SORBS3: variants seen among roughly 807,000 people sequenced by gnomAD.
SORBS3 encodes vinexin.
In SORBS3, 69 loss-of-function variants were observed where a neutral mutation model predicts 98.0. That is an observed-to-expected ratio of 0.70 (90% CI 0.58 to 0.86). The LOEUF (loss-of-function observed/expected upper bound fraction) is 0.86. Ranked by LOEUF, SORBS3 falls within the 40% of genes least tolerant of loss-of-function variation. The pLI is 0.00. For synonymous variants in SORBS3, 394 were observed against 355.4 expected (o/e 1.11, Z -1.22); for missense variants, 954 against 908.5 (o/e 1.05, Z -0.64).
rs752863734 is a variant in SORBS3 at position 22,554,526 on chromosome 8, G to T, written c.20G>T (p.Ser7Ile). 2 of 1,612,372 alleles carry T rather than the reference G, an allele frequency of 1.2e-6. No homozygotes were observed. Among genetic ancestry groups the T allele is most frequent in the South Asian group, 2.2e-5 (2 of 91,066 alleles). Residue 7 changes from serine to isoleucine, a missense_variant, in exon 2 of 21, where the codon AGC becomes ATC. Ser to Ile is a moderately radical substitution (Grantham distance 142). Coordinates refer to ENST00000240123, the MANE Select transcript of SORBS3 (RefSeq NM_005775.5). This position sits in a 1 kb window ranked among gnomAD's most constrained non-coding sequence, Gnocchi z 6.5. The stretch of plus-strand genomic sequence containing the variant: ...CCAAGCATGCAGGGCCCACCCCGCA[G>T]CCTCCGCGCTGGGCTCAGCCTGGAC... MQGPPR[S>I]LRAGLSLDDF...
chr8:22,563,791 A>G (rs1305237826), intron 7 of SORBS3, among the ~76,000 whole-genome samples, 196 bp from the exon 8 acceptor site: 3 of 152,124 alleles, frequency 2.0e-5, no homozygotes, highest in Admixed American at 1.3e-4. Context: ...CACATCCACT[A>G]AACAGTAGAG....
Position 22,554,783 on chromosome 8 carries a change from G to T in SORBS3, c.103-80G>T. 3 of 1,452,082 alleles carry T rather than the reference G, an allele frequency of 2.1e-6. No homozygotes were observed. Among genetic ancestry groups the T allele is most frequent in the South Asian group, 1.2e-5 (1 of 81,896 alleles). The allele number at this position is 1,452,082 out of a possible 1,614,324, so 89.9% of individuals were successfully genotyped here. On this transcript the variant is annotated intron_variant, in intron 2 of 20. Transcript: ENST00000240123. The surrounding 1 kb of genome is among the most constrained non-coding windows in gnomAD (Gnocchi z 6.5). ...GGCGGGCCTGGGACTGTCACCGAGG[G>T]GTGTGGGCTGTGCCTAGTAGCCATC...
intron 10 of SORBS3, chr8:22,565,034 A>G: frequency 7.1e-7 from 1 of 1,402,622 alleles, no homozygotes; most frequent in Non-Finnish European, 9.2e-7. Context: ...GAATCGCGGG[A>G]TCAGGAAGCG....
At chr8:22,560,414 G>C (rs1440732966) in intron 5 of SORBS3, among the ~76,000 whole-genome samples, 1 of 152,174 alleles carries the variant, frequency 6.6e-6, no homozygotes, top group African/African-American at 2.4e-5. Context: ...ATGCTTAGAA[G>C]TTTGAGAGAT....
chr8:22,551,460 G>A (rs1436822503), upstream of SORBS3, among the ~76,000 whole-genome samples: 1 of 152,040 alleles, frequency 6.6e-6, no homozygotes. This position sits in a 1 kb window ranked among gnomAD's most constrained non-coding sequence, Gnocchi z 5.8. Flanking sequence ...CATCGCTCCT[G>A]CCCCTGTCCT....
rs149725626 is a variant in SORBS3, at chr8:22,570,072, A to G, written c.1431+799A>G. Among the ~76,000 whole-genome samples, 217 of 152,320 alleles carry G rather than the reference A, an allele frequency of 1.4e-3. 1 individual carries two copies. The highest frequency in any genetic ancestry group is 4.9e-3 in the African/African-American group (203 of 41,570). On this transcript the variant is annotated intron_variant, in intron 17 of 20. Transcript: ENST00000240123. ...CATTTTTAACTGTAGATTGTGGTGA[A>G]ACAAGTTTGAAAAATGCTGTTCTAG...
chr8:22,566,508 T>C (rs1840426093), intron 13 of SORBS3, 24 bp downstream of exon 13: 1 of 1,608,706 alleles, frequency 6.2e-7, no homozygotes, highest in African/African-American at 1.3e-5. Context: ...CCTGCTCTCT[T>C]TCTCACGGAG....
In SORBS3 at chr8:22,564,464, T is replaced by C. The variant is rs1840362904; in HGVS notation, c.763-4T>C. The C allele has an allele frequency of 1.2e-6, 2 of 1,614,080 alleles. No individual in the cohort carries two copies. Among genetic ancestry groups the C allele is most frequent in the Non-Finnish European group, 1.7e-6 (2 of 1,179,980 alleles). On this transcript the variant is annotated splice_region_variant and splice_polypyrimidine_tract_variant and intron_variant, in intron 9 of 20. Transcript: ENST00000240123. ...TGCTCTGACACACCCTTTCTACCCT[T>C]CAGCCCAAGAAACCGCTGGTGGACG...
intron 5 of SORBS3, among the ~76,000 whole-genome samples, chr8:22,558,589 G>T (rs1448093070): frequency 6.6e-6 from 1 of 152,208 alleles, no homozygotes. Flanking sequence ...TGGCTCCGAG[G>T]TCACCCATCC....
chr8:22,553,639 C>A (rs914050309), intron 1 of SORBS3, among the ~76,000 whole-genome samples: 4 of 152,212 alleles, frequency 2.6e-5, no homozygotes, highest in African/African-American at 7.2e-5. Context: ...GAAGACCCTG[C>A]ACTCACAAAA....
Position 22,556,858 on chromosome 8 carries a change from G to A in SORBS3, c.364G>A (p.Glu122Lys), listed in dbSNP as rs149073222. 9.3e-6 allele frequency: 15 copies of A among 1,613,354 alleles called. No homozygotes were observed. The highest frequency in any genetic ancestry group is 6.7e-5 in the East Asian group (3 of 44,898). ...KRRDKRWVKY[E>K]GIGPVDESGM... The stretch of plus-strand genomic sequence containing the variant: ...TCGGGACAAGCGCTGGGTCAAGTAC[G>A]AGGGAATCGGGCCCGTGGACGAGAG... The change falls in exon 4 of 21, where the codon GAG (glutamate) becomes AAG (lysine). Residue 122 changes from glutamate (E) to lysine (K), a missense_variant. Physicochemically the swap from Glu to Lys is moderately conservative, Grantham distance 56. Coordinates refer to ENST00000240123, the MANE Select transcript of SORBS3 (RefSeq NM_005775.5).
chr8:22,572,329 G>T lies in SORBS3; in HGVS notation c.1848-11G>T. 1.2e-6 allele frequency: 2 copies of T among 1,611,818 alleles called. No individual in the cohort carries two copies. Among genetic ancestry groups the T allele is most frequent in the East Asian group, 4.5e-5 (2 of 44,864 alleles). ...GCCCATTCTCTGGTTGCCATGATAC[G>T]CTTCTCGCAGGTACCGGGCGATGTA... On this transcript the variant is annotated splice_polypyrimidine_tract_variant and intron_variant, in intron 19 of 20. Coordinates refer to ENST00000240123, the MANE Select transcript of SORBS3 (RefSeq NM_005775.5).
At chr8:22,551,358 G>T (rs984700199), upstream of SORBS3, among the ~76,000 whole-genome samples, 25 of 152,070 alleles carry the variant, frequency 1.6e-4, no homozygotes, top group Non-Finnish European at 4.4e-5. This position sits in a 1 kb window ranked among gnomAD's most constrained non-coding sequence, Gnocchi z 5.8. Flanking sequence ...CACTCTGCCT[G>T]CGGGGCGCCC....
intron 17 of SORBS3, among the ~76,000 whole-genome samples, chr8:22,569,523 A>G (rs893678166): frequency 6.6e-6 from 1 of 152,092 alleles, no homozygotes; most frequent in African/African-American, 2.4e-5. Context: ...TATTTTTAGT[A>G]GAGACAGGGT....
At chr8:22,550,120 C>T, upstream of SORBS3, 1 of 628,110 alleles carries the variant, frequency 1.6e-6, no homozygotes, top group Non-Finnish European at 2.0e-6. Context: ...AGGGAAGAGG[C>T]TACCTGGCGT....
chr8:22,564,751 G>T (rs566262263), intron 10 of SORBS3: 2 of 1,417,736 alleles, frequency 1.4e-6, no homozygotes, highest in South Asian at 3.0e-5. Flanking sequence ...AGAAAAGGGA[G>T]TGGTCAGTGC....
intron 20 of SORBS3, among the ~76,000 whole-genome samples, chr8:22,572,757 C>T (rs1039465629): frequency 2.6e-5 from 4 of 152,228 alleles, no homozygotes; most frequent in African/African-American, 9.6e-5. Context: ...CCTGCACACC[C>T]CTGCCTCGAG....
Position 22,572,392 on chromosome 8 carries a change from C to A in SORBS3, c.1900C>A (p.Arg634Ser), listed in dbSNP as rs747756489. ...RPQNEDELEL[R>S]EGDRVDVMQQ... is the part of the protein sequence containing the mutation. ...CCAGAACGAAGACGAGCTGGAGCTG[C>A]GCGAGGGGGACAGGGTGGATGTCAT... The change falls in exon 20 of 21, where the codon CGC (arginine) becomes AGC (serine). Residue 634 changes from arginine to serine, a missense_variant. Arg to Ser is a moderately radical substitution (Grantham distance 110). Coordinates refer to ENST00000240123, the MANE Select transcript of SORBS3 (RefSeq NM_005775.5). The A allele has an allele frequency of 6.2e-7, 1 of 1,614,026 alleles. No homozygotes were observed. The highest frequency in any genetic ancestry group is 1.1e-5 in the South Asian group (1 of 91,080).
intron 18 of SORBS3, 119 bp downstream of exon 18, chr8:22,571,340 T>A: frequency 1.5e-6 from 1 of 648,560 alleles, no homozygotes; most frequent in Non-Finnish European, 2.6e-6. Context: ...AGGAGTGGGG[T>A]GACAGGGCAG....
Sources: allele counts gnomAD v4.1 joint callset (sites outside exome capture counted in the v4.1 genomes callset), GRCh38; gene constraint gnomAD v4.1.1; non-coding constraint Gnocchi (gnomAD v3.1); transcripts MANE v1.5; gene names NCBI Gene and HGNC (gene_info 2026-07-23, HGNC 2026-07-21).